TMEM52: variants seen among roughly 807,000 people sequenced by gnomAD.
TMEM52 encodes the protein transmembrane protein 52.
Under a neutral mutation model 16.2 loss-of-function variants are expected in TMEM52, and 14 were observed. That is an observed-to-expected ratio of 0.87 (90% confidence interval 0.57 to 1.35). The LOEUF is 1.35. Among genes scored for constraint, TMEM52 ranks in the 40% most tolerant of loss-of-function variants. TMEM52 has a pLI of 0.00. For synonymous variants in TMEM52, 136 were observed against 124.7 expected (o/e 1.09, Z -0.60); for missense variants, 309 against 278.6 (o/e 1.11, Z -0.78).
At position 1,918,129 on chromosome 1, in the gene TMEM52, C is replaced by T. The variant is rs913881173; in HGVS notation, c.383G>A (p.Arg128Gln). 5.6e-6 allele frequency: 9 copies of T among 1,613,202 alleles called. No homozygotes were observed. Among genetic ancestry groups the T allele is most frequent in the East Asian group, 2.2e-5 (1 of 44,890 alleles). ...YSSVQYPLGM[R>Q]LPLPFGELDL... is the part of the protein sequence containing the mutation. ...CAGCTCCCCAAAGGGCAGGGGCAAC[C>T]GCATGCCCAGTGGGTACTGCACGGA... is the stretch of plus-strand genomic sequence containing the variant. The change falls in exon 5 of 5, where the codon CGG becomes CAG. Residue 128 changes from arginine to glutamine, a missense_variant. Coordinates refer to ENST00000310991, the MANE Select transcript of TMEM52 (RefSeq NM_178545.4).
chr1:1,918,808 T>A, intron 3 of TMEM52, 85 bp downstream of exon 3: 1 of 1,431,788 alleles, frequency 7.0e-7, no homozygotes, highest in East Asian at 2.5e-5. Flanking sequence ...GGCGGCCTGG[T>A]GAGGTAAGGG....
rs1412548583 is a variant in TMEM52, at chr1:1,917,655, C to T, written c.*227G>A. The T allele has an allele frequency of 6.7e-6, 4 of 597,390 alleles. No individual in the cohort carries two copies. The highest frequency in any genetic ancestry group is 2.8e-5 in the East Asian group (1 of 36,018). The allele number at this position is 597,390 out of a possible 1,614,324, so 37.0% of individuals were successfully genotyped here. ...CAGACGTCACAGGTGGCCCTGAGCTCCCACCCGAGGCTTAGGCCCAAGGGG... is the reference window on the plus strand; with the variant it reads ...CAGACGTCACAGGTGGCCCTGAGCTTCCACCCGAGGCTTAGGCCCAAGGGG... On this transcript the variant is annotated 3_prime_UTR_variant, in exon 5 of 5. Coordinates refer to ENST00000310991, the MANE Select transcript of TMEM52 (RefSeq NM_178545.4).
chr1:1,917,773 A>T lies in TMEM52; in HGVS notation c.*109T>A. 1 of 1,272,874 alleles carries T rather than the reference A, an allele frequency of 7.9e-7. No individual in the cohort carries two copies. Among genetic ancestry groups the T allele is most frequent in the Non-Finnish European group, 1.1e-6 (1 of 906,614 alleles). The allele number at this position is 1,272,874 out of a possible 1,614,324, so 78.8% of individuals were successfully genotyped here. ...GTGGGTGACGCCAGGGGCCGGTGTA[A>T]CATGGCACCGAGGTTGGGGCCACAG... On this transcript the variant is annotated 3_prime_UTR_variant, in exon 5 of 5. Transcript: ENST00000310991.
chr1:1,918,398 C>G lies in TMEM52; in HGVS notation c.204G>C (p.Leu68=), dbSNP rs544383605. 2.7e-5 allele frequency: 44 copies of G among 1,612,686 alleles called. No individual in the cohort carries two copies. In the South Asian group the frequency reaches 4.6e-4, roughly 17 times the overall value. Residue 68 remains leucine (L), a synonymous_variant, in exon 4 of 5, where the codon CTG becomes CTC. Coordinates refer to ENST00000310991, the MANE Select transcript of TMEM52 (RefSeq NM_178545.4). The part of the protein sequence containing the change: ...LILLAVLLLL[L]CGVTAGCVRF... ...GGACACAACCAGCTGTGACACCACACAGCAGAAGCAGGAGGACCGCCAGCA... is the reference window on the plus strand; with the variant it reads ...GGACACAACCAGCTGTGACACCACAGAGCAGAAGCAGGAGGACCGCCAGCA...
intron 3 of TMEM52, 106 bp downstream of exon 3, chr1:1,918,787 G>C: frequency 7.5e-7 from 1 of 1,331,114 alleles, no homozygotes; most frequent in Admixed American, 2.8e-5. Context: ...CCGGGACTGG[G>C]CGACAGCGGA....
chr1:1,919,274 G>T lies in TMEM52; in HGVS notation c.-9C>A. ...AGCGGCCCCCGGGCCATGCTCTGAG[G>T]AGGTTGGAGCAAAGCCCGGCGGCGC... On this transcript the variant is annotated 5_prime_UTR_variant, in exon 1 of 5. Transcript: ENST00000310991. 1 of 1,382,026 alleles carries T rather than the reference G, an allele frequency of 7.2e-7. No individual in the cohort carries two copies. Among genetic ancestry groups the T allele is most frequent in the East Asian group, 3.0e-5 (1 of 32,792 alleles). 85.6% of individuals were successfully genotyped at this position (1,382,026 alleles called of 1,614,324 possible).
rs188493116 is a variant in TMEM52, at chr1:1,918,417, G to A, written c.185C>T (p.Ala62Val). ...ACCACACAGCAGAAGCAGGAGGACC[G>A]CCAGCAGGATGAGCCTAGGAGAGCA... ...SLWHVGLILL[A>V]VLLLLLCGVT... is the part of the protein sequence containing the mutation. Residue 62 changes from alanine to valine, a missense_variant, in exon 4 of 5, where the codon GCG becomes GTG. Ala to Val is a moderately conservative substitution (Grantham distance 64). Coordinates refer to ENST00000310991, the MANE Select transcript of TMEM52 (RefSeq NM_178545.4). 2.5e-6 allele frequency: 4 copies of A among 1,612,184 alleles called. No individual in the cohort carries two copies. The highest frequency in any genetic ancestry group is 2.7e-5 in the African/African-American group (2 of 74,894).
Position 1,919,243 on chromosome 1 carries a change from G to A in TMEM52, c.23C>T (p.Ala8Val). The change falls in exon 1 of 5, where the codon GCC becomes GTC. Residue 8 changes from alanine to valine, a missense_variant. Coordinates refer to ENST00000310991, the MANE Select transcript of TMEM52 (RefSeq NM_178545.4). ...CGGCAGCAGCAGCCGCAGTCCGCGGGCGGCCAGCGGCCCCCGGGCCATGCT... is the reference window on the plus strand; with the variant it reads ...CGGCAGCAGCAGCCGCAGTCCGCGGACGGCCAGCGGCCCCCGGGCCATGCT... Reference protein sequence around the residue: MARGPLAARGLRLLLPLL... With the variant: MARGPLAVRGLRLLLPLL... 4.4e-6 allele frequency: 6 copies of A among 1,365,726 alleles called. No individual in the cohort carries two copies. The highest frequency in any genetic ancestry group is 5.6e-6 in the Non-Finnish European group (6 of 1,067,882). The allele number at this position is 1,365,726 out of a possible 1,614,324, so 84.6% of individuals were successfully genotyped here. A position where few individuals can be genotyped will look rare whatever the true frequency, so the allele number is the denominator to read the frequency against.
rs1007815584 is a variant in TMEM52, at chr1:1,918,306, T to G, written c.296A>C (p.Asp99Ala). 6.2e-7 allele frequency: 1 copy of G among 1,612,864 alleles called. No individual in the cohort carries two copies. ...ACTGTCCATAGGGATGACTGCCACG[T>G]CGCAGGGCTGCCGTGCTGGTGGCAG... ...PHLPPARQPC[D>A]VAVIPMDSDS... Residue 99 changes from aspartate to alanine, a missense_variant, in exon 4 of 5, where the codon GAC becomes GCC. Physicochemically the swap from Asp to Ala is moderately radical, Grantham distance 126. Coordinates refer to ENST00000310991, the MANE Select transcript of TMEM52 (RefSeq NM_178545.4).
Position 1,917,703 on chromosome 1 carries a change from C to T in TMEM52, c.*179G>A. The T allele has an allele frequency of 2.7e-6, 2 of 736,308 alleles. No individual in the cohort carries two copies. Among genetic ancestry groups the T allele is most frequent in the South Asian group, 3.7e-5 (2 of 54,040 alleles). The allele number at this position is 736,308 out of a possible 1,614,324, so 45.6% of individuals were successfully genotyped here. On this transcript the variant is annotated 3_prime_UTR_variant, in exon 5 of 5. Coordinates refer to ENST00000310991, the MANE Select transcript of TMEM52 (RefSeq NM_178545.4). ...GGGCCTCTTCCAGGCTGAGGGCCTG[C>T]TGGGGCTGGGCCAGGGGCTGAGGCT...
Position 1,918,054 on chromosome 1 carries a change from G to C in TMEM52, c.458C>G (p.Pro153Arg). Residue 153 changes from proline to arginine, a missense_variant, in exon 5 of 5, where the codon CCT becomes CGT. Coordinates refer to ENST00000310991, the MANE Select transcript of TMEM52 (RefSeq NM_178545.4). ...PPAYSLYTPE[P>R]PPSYDEAVKM... ...GACAGCTTCATCGTAGGAGGGTGGA[G>C]GCTCCGGGGTGTACAGGCTGTAGGC... 6.2e-7 allele frequency: 1 copy of C among 1,613,792 alleles called. No homozygotes were observed. The highest frequency in any genetic ancestry group is 1.1e-5 in the South Asian group (1 of 91,082).
intron 3 of TMEM52, 125 bp from the exon 4 acceptor site, chr1:1,918,556 T>G (rs1020990090): frequency 1.2e-5 from 11 of 919,782 alleles, no homozygotes; most frequent in Non-Finnish European, 1.9e-5. Flanking sequence ...TGTCTCTCCA[T>G]GTCGGAGACC....
chr1:1,919,200 C>G lies in TMEM52; in HGVS notation c.66G>C (p.Pro22=). ...RLLLPLLPLL[P]LLPLPQVALG... ...GACCCACCTGCGGCAGCGGCAGGAGCGGCAGGAGCGGCAGGAGCGGCAGCA... is the reference window on the plus strand; with the variant it reads ...GACCCACCTGCGGCAGCGGCAGGAGGGGCAGGAGCGGCAGGAGCGGCAGCA... Residue 22 remains proline, a synonymous_variant, in exon 1 of 5, where the codon CCG becomes CCC. Transcript: ENST00000310991. The G allele has an allele frequency of 7.3e-7, 1 of 1,361,160 alleles. No individual in the cohort carries two copies. Among genetic ancestry groups the G allele is most frequent in the Non-Finnish European group, 9.4e-7 (1 of 1,063,808 alleles). 84.3% of individuals were successfully genotyped at this position (1,361,160 alleles called of 1,614,324 possible). A position where few individuals can be genotyped will look rare whatever the true frequency, so the allele number is the denominator to read the frequency against.
rs148427511 is a variant in TMEM52, at chr1:1,918,413, G to A, written c.189C>T (p.Val63=). The part of the protein sequence containing the change: ...LWHVGLILLA[V]LLLLLCGVTA... Reference sequence around the variant, plus strand: ...TGACACCACACAGCAGAAGCAGGAGGACCGCCAGCAGGATGAGCCTAGGAG... The same window carrying A: ...TGACACCACACAGCAGAAGCAGGAGAACCGCCAGCAGGATGAGCCTAGGAG... Residue 63 remains valine, a synonymous_variant, in exon 4 of 5, where the codon GTC becomes GTT. Coordinates refer to ENST00000310991, the MANE Select transcript of TMEM52 (RefSeq NM_178545.4). 1.3e-3 allele frequency: 2,168 copies of A among 1,612,538 alleles called. 3 individuals carry two copies. The highest frequency in any genetic ancestry group is 1.8e-3 in the Middle Eastern group (11 of 6,062).
rs374694047 is a variant in TMEM52, at chr1:1,918,099, A to G, written c.413T>C (p.Leu138Pro). The change falls in exon 5 of 5, where the codon CTG becomes CCG. Residue 138 changes from leucine to proline, a missense_variant. Coordinates refer to ENST00000310991, the MANE Select transcript of TMEM52 (RefSeq NM_178545.4). ...GTAGGCAGGAGGAGCCATGGAGTCC[A>G]GGTCCAGCTCCCCAAAGGGCAGGGG... ...RLPLPFGELD[L>P]DSMAPPAYSL... is the part of the protein sequence containing the mutation. 2.6e-5 allele frequency: 42 copies of G among 1,613,010 alleles called. No homozygotes were observed. Among genetic ancestry groups the G allele is most frequent in the Non-Finnish European group, 3.0e-5 (35 of 1,179,690 alleles).
rs1419789443 is a variant in TMEM52 at position 1,919,188 on chromosome 1, C to G, written c.78G>C (p.Leu26=). ...AGAACGCCGCCCGACCCACCTGCGGCAGCGGCAGGAGCGGCAGGAGCGGCA... is the reference window on the plus strand; with the variant it reads ...AGAACGCCGCCCGACCCACCTGCGGGAGCGGCAGGAGCGGCAGGAGCGGCA... ...PLLPLLPLLP[L]PQVALGFADG... Residue 26 remains leucine, a synonymous_variant, in exon 1 of 5, where the codon CTG becomes CTC. Transcript: ENST00000310991. The G allele has an allele frequency of 7.3e-7, 1 of 1,365,052 alleles. No individual in the cohort carries two copies. The highest frequency in any genetic ancestry group is 9.4e-7 in the Non-Finnish European group (1 of 1,066,012). The allele number at this position is 1,365,052 out of a possible 1,614,324, so 84.6% of individuals were successfully genotyped here. A position where few individuals can be genotyped will look rare whatever the true frequency, so the allele number is the denominator to read the frequency against.
intron 3 of TMEM52, 51 bp downstream of exon 3, chr1:1,918,841 AC>A: frequency 6.7e-7 from 1 of 1,484,110 alleles, no homozygotes; most frequent in Non-Finnish European, 8.9e-7. Context: ...GGCCCCGGTG[AC>A]CCCCGCCCCA....
chr1:1,918,618 C>T, intron 3 of TMEM52, 187 bp from the exon 4 acceptor site: 3 of 734,170 alleles, frequency 4.1e-6, no homozygotes, highest in South Asian at 1.6e-5. Flanking sequence ...GGCTATCTCT[C>T]CTGGGCTGGC....
chr1:1,917,754 G>T lies in TMEM52; in HGVS notation c.*128C>A. The T allele has an allele frequency of 1.8e-6, 2 of 1,092,172 alleles. No individual in the cohort carries two copies. Among genetic ancestry groups the T allele is most frequent in the Non-Finnish European group, 2.7e-6 (2 of 749,772 alleles). The allele number at this position is 1,092,172 out of a possible 1,614,324, so 67.7% of individuals were successfully genotyped here. On this transcript the variant is annotated 3_prime_UTR_variant, in exon 5 of 5. Coordinates refer to ENST00000310991, the MANE Select transcript of TMEM52 (RefSeq NM_178545.4). ...GAAAGCAGCAGCCTGCCTAGTGGGT[G>T]ACGCCAGGGGCCGGTGTAACATGGC...
Sources: gnomAD v4.1 joint callset for allele counts on GRCh38, gnomAD v4.1.1 for gene constraint, MANE v1.5 for transcripts, NCBI Gene and HGNC (gene_info 2026-07-23, HGNC 2026-07-21) for gene names.